CCDC91: variants seen among roughly 807,000 people sequenced by gnomAD.
The protein encoded by CCDC91 is coiled-coil domain containing 91.
In CCDC91, 48 loss-of-function variants were observed where a neutral mutation model predicts 63.2. The observed-to-expected ratio is 0.76, with a 90% confidence interval of 0.60 to 0.97. The LOEUF is 0.97. CCDC91 is among the 50% of genes least tolerant of loss of function. The pLI is 0.00. For missense variants in CCDC91, 500 were observed against 494.6 expected (o/e 1.01, Z -0.10); for synonymous variants, 167 against 165.8 (o/e 1.01, Z -0.06).
chr12:28,399,306 G>A (rs1176111989), intron 8 of CCDC91, among the ~76,000 whole-genome samples: 1 of 152,186 alleles, frequency 6.6e-6, no homozygotes, highest in Non-Finnish European at 1.5e-5. Context: ...AAAACCATCA[G>A]ATCTTGTGAG....
At position 28,444,707 on chromosome 12, in the gene CCDC91, G is replaced by A. The variant is rs987524210; in HGVS notation, c.763-5454G>A. ...GTGGAGGGTAGGAGGAGGGAGAGGA[G>A]CAATAAAGATAACTCTCGGGTACTG... On this transcript the variant is annotated intron_variant, in intron 8 of 12. Coordinates refer to ENST00000536442, the MANE Select transcript of CCDC91 (RefSeq NM_018318.5). Among the ~76,000 whole-genome samples, 95 of 152,256 alleles carry A rather than the reference G, an allele frequency of 6.2e-4. 1 individual carries two copies. The highest frequency in any genetic ancestry group is 6.8e-3 in the Middle Eastern group (2 of 294).
intron 11 of CCDC91, among the ~76,000 whole-genome samples, chr12:28,480,448 A>G (rs897651716): frequency 3.9e-5 from 6 of 152,046 alleles, no homozygotes; most frequent in Non-Finnish European, 7.4e-5. Context: ...TTAGAAACTC[A>G]TCAAGAGATA....
chr12:28,234,530 C>A (rs1285647808), intron 1 of CCDC91, among the ~76,000 whole-genome samples: 1 of 152,054 alleles, frequency 6.6e-6, no homozygotes, highest in Non-Finnish European at 1.5e-5. Flanking sequence ...ATAGACATAA[C>A]CCAGATAAAA....
At chr12:28,262,858 A>G (rs1223141163) in intron 3 of CCDC91, among the ~76,000 whole-genome samples, 1 of 151,998 alleles carries the variant, frequency 6.6e-6, no homozygotes, top group African/African-American at 2.4e-5. Context: ...ACTCTCCATA[A>G]ACATTTAGAA....
At chr12:28,336,340 C>T (rs770028490) in intron 6 of CCDC91, among the ~76,000 whole-genome samples, 2 of 151,934 alleles carry the variant, frequency 1.3e-5, no homozygotes, top group African/African-American at 2.4e-5. Flanking sequence ...AAAATTGGGA[C>T]GTATCCGTAT....
rs1946470800 is a variant in CCDC91, at chr12:28,399,258, CA to C, written c.762+7849del. 2.6e-5 allele frequency among the ~76,000 whole-genome samples: 4 copies of C among 152,194 alleles called. No homozygotes were observed. The South Asian group carries it at 8.3e-4, about 32-fold the overall frequency. On this transcript the variant is annotated intron_variant, in intron 8 of 12. Transcript: ENST00000536442. ...CATGTCCTTCTTCACATGACAGCAG[CA>C]AGGAGAAATACCGAGCAAAGGGGGA... is the stretch of plus-strand genomic sequence containing the variant.
At chr12:28,463,562 A>T (rs1950409327) in intron 11 of CCDC91, among the ~76,000 whole-genome samples, 2 of 152,198 alleles carry the variant, frequency 1.3e-5, no homozygotes, top group Admixed American at 6.5e-5. Context: ...AGCCCACATG[A>T]TGGCAGTTGA....
At chr12:28,214,187 C>G (rs1394643242) in intron 1 of CCDC91, among the ~76,000 whole-genome samples, 1 of 152,116 alleles carries the variant, frequency 6.6e-6, no homozygotes, top group Non-Finnish European at 1.5e-5. Flanking sequence ...AGCCTGGTCA[C>G]TTTGGACTCC....
chr12:28,446,463 A>G (rs1216726124), intron 8 of CCDC91, among the ~76,000 whole-genome samples: 1 of 152,210 alleles, frequency 6.6e-6, no homozygotes, highest in Admixed American at 6.5e-5. Flanking sequence ...ACAGTTTAGA[A>G]GTAGGGAGAG....
At chr12:28,305,264 C>G (rs1339354831) in intron 3 of CCDC91, among the ~76,000 whole-genome samples, 1 of 151,900 alleles carries the variant, frequency 6.6e-6, no homozygotes, top group African/African-American at 2.4e-5. Flanking sequence ...GGTAGGTACT[C>G]TAGCGCTTTT....
chr12:28,477,894 T>C (rs1053965954), intron 11 of CCDC91, among the ~76,000 whole-genome samples: 4 of 152,114 alleles, frequency 2.6e-5, no homozygotes, highest in Middle Eastern at 3.4e-3. Context: ...TACCTAGGAA[T>C]CCAACTTACA....
intron 3 of CCDC91, among the ~76,000 whole-genome samples, chr12:28,291,179 T>C (rs1448688964): frequency 2.0e-5 from 3 of 152,232 alleles, no homozygotes; most frequent in Admixed American, 6.5e-5. Flanking sequence ...AAATCCATGC[T>C]TCAGGATTCA....
intron 12 of CCDC91, among the ~76,000 whole-genome samples, chr12:28,500,377 G>C (rs1359439703): frequency 6.6e-6 from 1 of 151,930 alleles, no homozygotes; most frequent in Non-Finnish European, 1.5e-5. Flanking sequence ...TTTTGCTTTT[G>C]TTGCCATTGC....
At chr12:28,333,336 A>C (rs376910158) in intron 6 of CCDC91, among the ~76,000 whole-genome samples, 2 of 150,118 alleles carry the variant, frequency 1.3e-5, no homozygotes, top group Admixed American at 1.3e-4. Flanking sequence ...TGGAGCTTGC[A>C]GTTAGCCGAG....
At chr12:28,274,466 C>T (rs1948041337) in intron 3 of CCDC91, among the ~76,000 whole-genome samples, 1 of 152,054 alleles carries the variant, frequency 6.6e-6, no homozygotes, top group South Asian at 2.1e-4. Flanking sequence ...ATTCTTCCTA[C>T]TCATGAGCAT....
chr12:28,397,667 C>A (rs1946371906), intron 8 of CCDC91, among the ~76,000 whole-genome samples: 1 of 152,046 alleles, frequency 6.6e-6, no homozygotes, highest in South Asian at 2.1e-4. Context: ...TTGATTATAG[C>A]ATTTATGAAT....
intron 6 of CCDC91, among the ~76,000 whole-genome samples, chr12:28,323,187 T>A (rs1299360153): frequency 6.6e-6 from 1 of 151,556 alleles, no homozygotes; most frequent in Admixed American, 6.6e-5. Flanking sequence ...TTTTAGTATA[T>A]AATAGTATAA....
At chr12:28,284,059 T>G (rs1948765217) in intron 3 of CCDC91, among the ~76,000 whole-genome samples, 1 of 152,156 alleles carries the variant, frequency 6.6e-6, no homozygotes, top group African/African-American at 2.4e-5. Flanking sequence ...TCTAAAGTGT[T>G]TCTTATATAA....
At chr12:28,449,427 G>C (rs961208498) in intron 8 of CCDC91, among the ~76,000 whole-genome samples, 1 of 151,988 alleles carries the variant, frequency 6.6e-6, no homozygotes, top group Non-Finnish European at 1.5e-5. Flanking sequence ...TCAGTGCACT[G>C]TTCTGGAACA....
Sources: allele counts gnomAD v4.1 joint callset (sites outside exome capture counted in the v4.1 genomes callset), GRCh38; gene constraint gnomAD v4.1.1; transcripts MANE v1.5; gene names NCBI Gene and HGNC (gene_info 2026-07-23, HGNC 2026-07-21).